ZNF407: variants seen among roughly 807,000 people sequenced by gnomAD.
ZNF407 encodes zinc finger protein 407.
In ZNF407, 17 loss-of-function variants were observed where a neutral mutation model predicts 131.2. That is an observed-to-expected ratio of 0.13 (90% confidence interval 0.09 to 0.19). The LOEUF is 0.19. Among genes scored for constraint, ZNF407 ranks in the 10% least tolerant of loss-of-function variants. ZNF407 has a pLI of 1.00. For synonymous variants in ZNF407, 1,156 were observed against 1,062.0 expected, an observed-to-expected ratio of 1.09 and a Z score of -1.72; for missense variants, 2,681 against 2,830.6, an observed-to-expected ratio of 0.95 and a Z score of 1.20.
intron 4 of ZNF407, among the ~76,000 whole-genome samples, chr18:74,795,809 G>A (rs1481360720): frequency 6.6e-6 from 1 of 152,246 alleles, no homozygotes; most frequent in Non-Finnish European, 1.5e-5. Flanking sequence ...TTTCGTAAAT[G>A]ACGGGTACAT....
At chr18:74,645,414 T>TG (rs1037050887) in intron 3 of ZNF407, among the ~76,000 whole-genome samples, 1 of 152,134 alleles carries the variant, frequency 6.6e-6, no homozygotes, top group Non-Finnish European at 1.5e-5. Flanking sequence ...GTTTACTGAT[T>TG]GATTTACCTA....
intron 1 of ZNF407, chr18:74,598,360 C>G (rs1335006469): frequency 6.6e-6 from 1 of 152,354 alleles, no homozygotes; most frequent in Non-Finnish European, 1.5e-5. Context: ...CGCCTGTCCG[C>G]GCAGAAACAG....
Position 74,889,918 on chromosome 18 carries a change from G to T in ZNF407, c.5129G>T (p.Gly1710Val). The T allele has an allele frequency of 1.2e-6, 2 of 1,606,010 alleles. No individual in the cohort carries two copies. ...TGTAACATTTCTTGATATATTACAG[G>T]AGAAAAACCTTTCAAGTGCGATGAG... The part of the protein sequence containing the change: ...ALTKHRRQHT[G>V]EKPFKCDECN... Residue 1710 changes from glycine (G) to valine (V), a missense_variant and splice_region_variant, in exon 7 of 9, where the codon GGA (glycine) becomes GTA (valine). Gly to Val is a moderately radical substitution (Grantham distance 109). Coordinates refer to ENST00000299687, the MANE Select transcript of ZNF407 (RefSeq NM_017757.3).
chr18:75,028,996 C>T (rs1351277374), intron 8 of ZNF407, among the ~76,000 whole-genome samples: 2 of 152,150 alleles, frequency 1.3e-5, no homozygotes, highest in Admixed American at 6.5e-5. Flanking sequence ...CACAGAATAT[C>T]CTTCTGCTGT....
At chr18:74,730,120 T>G (rs1163154438) in intron 3 of ZNF407, among the ~76,000 whole-genome samples, 1 of 152,196 alleles carries the variant, frequency 6.6e-6, no homozygotes, top group Non-Finnish European at 1.5e-5. Context: ...TGAGATCATG[T>G]TCATGATCAT....
Position 74,632,580 on chromosome 18 carries a change from G to A in ZNF407, c.1561G>A (p.Ala521Thr). Residue 521 changes from alanine to threonine, a missense_variant, in exon 2 of 9, where the codon GCT becomes ACT. By Grantham distance (58) the Ala-to-Thr change is moderately conservative. Coordinates refer to ENST00000299687, the MANE Select transcript of ZNF407 (RefSeq NM_017757.3). ...GCTGCATTCCCTGACAGTGAAGCCA[G>A]CTTCTGGCTCTCAGACGTTGTGTGC... is the stretch of plus-strand genomic sequence containing the variant. ...SGLHSLTVKP[A>T]SGSQTLCACT... 1.2e-6 allele frequency: 2 copies of A among 1,614,042 alleles called. No individual in the cohort carries two copies. Among genetic ancestry groups the A allele is most frequent in the Non-Finnish European group, 1.7e-6 (2 of 1,179,908 alleles).
chr18:74,952,263 T>G (rs1386293014), intron 8 of ZNF407, among the ~76,000 whole-genome samples: 3 of 152,214 alleles, frequency 2.0e-5, no homozygotes, highest in African/African-American at 4.8e-5. Flanking sequence ...TGGTAGCTAA[T>G]GAGTATCTTG....
chr18:74,989,639 C>T (rs1972694806), intron 8 of ZNF407, among the ~76,000 whole-genome samples: 1 of 151,998 alleles, frequency 6.6e-6, no homozygotes, highest in African/African-American at 2.4e-5. Flanking sequence ...GTAAGGAGTT[C>T]GACACCAACC....
At chr18:75,044,370 G>A (rs1379337147) in intron 8 of ZNF407, among the ~76,000 whole-genome samples, 2 of 146,436 alleles carry the variant, frequency 1.4e-5, no homozygotes, top group Non-Finnish European at 3.0e-5. Flanking sequence ...TTGTTTGTTT[G>A]TTTTCCTTTA....
rs754433129 is a variant in ZNF407 at position 74,634,957 on chromosome 18, A to G, written c.3938A>G (p.Gln1313Arg). The G allele has an allele frequency of 1.9e-6, 3 of 1,614,046 alleles. No homozygotes were observed. Among genetic ancestry groups the G allele is most frequent in the African/African-American group, 1.3e-5 (1 of 75,070 alleles). ...LGNKEILMNS[Q>R]HETEFILEED... ...AATAAGGAAATTCTGATGAATTCAC[A>G]ACATGAAACAGAATTTATTTTGGAG... Residue 1313 changes from glutamine (Q) to arginine (R), a missense_variant, in exon 2 of 9, where the codon CAA (glutamine) becomes CGA (arginine). Gln to Arg is a conservative substitution (Grantham distance 43). Transcript: ENST00000299687.
chr18:75,060,748 G>A (rs1440032297), intron 8 of ZNF407, among the ~76,000 whole-genome samples: 2 of 151,418 alleles, frequency 1.3e-5, no homozygotes, highest in African/African-American at 4.9e-5. Flanking sequence ...CTCGTGATCC[G>A]TCCGCCTCGG....
intron 8 of ZNF407, among the ~76,000 whole-genome samples, chr18:74,987,214 C>T (rs1972663523): frequency 4.6e-5 from 7 of 151,804 alleles, no homozygotes. Context: ...TGTGTCAGTA[C>T]CGGGGAATTT....
intron 4 of ZNF407, among the ~76,000 whole-genome samples, chr18:74,853,211 T>G (rs976773819): frequency 6.6e-6 from 1 of 152,232 alleles, no homozygotes. Context: ...TAGCCACTAC[T>G]GTTGTCTTTG....
At chr18:74,973,104 C>CT (rs199990182) in intron 8 of ZNF407, among the ~76,000 whole-genome samples, 5,290 of 151,948 alleles carry the variant, frequency 0.035, 284 homozygotes, top group African/African-American at 0.12. Flanking sequence ...CTTCTTAAAA[C>CT]TTTTTTAGTG....
intron 1 of ZNF407, among the ~76,000 whole-genome samples, chr18:74,607,584 G>T (rs1162733989): frequency 1.3e-5 from 2 of 152,218 alleles, no homozygotes; most frequent in Non-Finnish European, 2.9e-5. Flanking sequence ...CATTGACGGG[G>T]CTGGGTTTGT....
At position 74,603,880 on chromosome 18, in the gene ZNF407, A is replaced by T. The variant is rs564726391; in HGVS notation, c.-54+5943A>T. Reference sequence around the variant, plus strand: ...TTTTCTATTATGGATATATTAGCTTATTTAAACATTATCTTATTAGTGGAC... The same window carrying T: ...TTTTCTATTATGGATATATTAGCTTTTTTAAACATTATCTTATTAGTGGAC... On this transcript the variant is annotated intron_variant, in intron 1 of 8. Coordinates refer to ENST00000299687, the MANE Select transcript of ZNF407 (RefSeq NM_017757.3). Among the ~76,000 whole-genome samples, 10 of 152,318 alleles carry T rather than the reference A, an allele frequency of 6.6e-5. No individual in the cohort carries two copies. In the South Asian group the frequency reaches 1.9e-3, roughly 28 times the overall value.
At chr18:74,734,671 T>TTGTGTGTGTGTGTGTG (rs200073035) in intron 3 of ZNF407, among the ~76,000 whole-genome samples, 48 of 138,962 alleles carry the variant, frequency 3.5e-4, no homozygotes, top group African/African-American at 1.3e-3. Context: ...GAGTTTCAAT[T>TTGTGTGTGTGTGTGTG]TGTGTGTGTG....
chr18:74,624,224 T>C (rs1384150639), intron 1 of ZNF407, among the ~76,000 whole-genome samples: 2 of 152,154 alleles, frequency 1.3e-5, no homozygotes, highest in Non-Finnish European at 2.9e-5. Flanking sequence ...TCAGTTCATG[T>C]TTGTTGAGTG....
intron 3 of ZNF407, among the ~76,000 whole-genome samples, chr18:74,722,112 T>TAA (rs1968051994): frequency 6.6e-6 from 1 of 152,050 alleles, no homozygotes. Flanking sequence ...GAAGATTTCT[T>TAA]AGTGTTTATG....
Sources: allele counts gnomAD v4.1 joint callset (sites outside exome capture counted in the v4.1 genomes callset), GRCh38; gene constraint gnomAD v4.1.1; transcripts MANE v1.5; gene names NCBI Gene and HGNC (gene_info 2026-07-23, HGNC 2026-07-21).